The following WDR3 variants were observed in gnomAD, a reference collection of about 807,000 sequenced individuals.
The protein encoded by WDR3 is WD repeat-containing protein 3.
In WDR3, 81 loss-of-function variants were observed where a neutral mutation model predicts 123.7. The observed-to-expected ratio is 0.65, with a 90% CI of 0.55 to 0.79. The LOEUF (loss-of-function observed/expected upper bound fraction) is 0.79. Ranked by LOEUF, WDR3 falls within the 30% of genes least tolerant of loss-of-function variation. WDR3 has a pLI of 0.00. For missense variants in WDR3, 1,027 were observed against 1,123.2 expected (o/e 0.91, Z 1.22); for synonymous variants, 390 against 388.8 (o/e 1.00, Z -0.04).
At position 117,966,042 on chromosome 1, in the gene WDR3, C is replaced by T. The variant is rs2101440850; in HGVS notation, c.*6595C>T. On this transcript the variant is annotated 3_prime_UTR_variant, in exon 27 of 27. Coordinates refer to ENST00000349139, the MANE Select transcript of WDR3 (RefSeq NM_006784.3). The stretch of plus-strand genomic sequence containing the variant: ...ACTGTAACACAAGCAGCACACAATT[C>T]ATGCCACTGGAGAAAGTACAAAATA... The T allele has an allele frequency of 6.6e-6, 1 of 152,336 alleles. No homozygotes were observed. Among genetic ancestry groups the T allele is most frequent in the Middle Eastern group, 3.4e-3 (1 of 294 alleles). 9.4% of individuals were successfully genotyped at this position (152,336 alleles called of 1,614,324 possible).
chr1:117,943,745 A>C (rs1240190100), intron 11 of WDR3, 119 bp downstream of exon 11: 2 of 872,170 alleles, frequency 2.3e-6, no homozygotes, highest in Non-Finnish European at 3.4e-6. Flanking sequence ...TCTTTAGTGC[A>C]TTTGGGCCAT....
At chr1:117,946,683 T>G (rs1651394807) in intron 12 of WDR3, among the ~76,000 whole-genome samples, 1 of 152,086 alleles carries the variant, frequency 6.6e-6, no homozygotes, top group Non-Finnish European at 1.5e-5. Context: ...GGCTCACACC[T>G]GTAATCCCAG....
chr1:117,949,575 G>C lies in WDR3; in HGVS notation c.1525-176G>C, dbSNP rs1215706193. ...GTCGATGGTAGGAATTTTCACATAA[G>C]GTTTGTGGCAGCAGACCCAAAAGAT... On this transcript the variant is annotated intron_variant, in intron 13 of 26. Transcript: ENST00000349139. Among the ~76,000 whole-genome samples, 4 of 152,238 alleles carry C rather than the reference G, an allele frequency of 2.6e-5. No homozygotes were observed. In the East Asian group the frequency reaches 7.7e-4, roughly 29 times the overall value.
In WDR3 at chr1:117,948,982, A is replaced by AT. The variant is rs768936006; in HGVS notation, c.1524+487dup. The stretch of plus-strand genomic sequence containing the variant: ...GTGCTGTTGCTTAGAAAATCTTGAG[A>AT]TTTTTTTTTTTGACAACACCTTAAG... On this transcript the variant is annotated intron_variant, in intron 13 of 26. Transcript: ENST00000349139. Among the ~76,000 whole-genome samples, 1,299 of 148,526 alleles carry AT rather than the reference A, an allele frequency of 8.7e-3. 8 individuals are homozygous for AT. The highest frequency in any genetic ancestry group is 0.033 in the East Asian group (171 of 5,106).
rs574248378 is a variant in WDR3 at position 117,953,486 on chromosome 1, A to C, written c.2213A>C (p.Glu738Ala). Residue 738 changes from glutamate to alanine, a missense_variant, in exon 21 of 27, where the codon GAG becomes GCG. Transcript: ENST00000349139. Reference protein sequence around the residue: ...AKEDQPAVPGETQGDSYFTGK... With the variant: ...AKEDQPAVPGATQGDSYFTGK... ...CTTTGTTTCTGGCAGGTTCCAGGAG[A>C]GACTCAAGGTGACAGTTACTTTACT... 2 of 1,612,806 alleles carry C rather than the reference A, an allele frequency of 1.2e-6. No individual in the cohort carries two copies. The highest frequency in any genetic ancestry group is 1.7e-6 in the Non-Finnish European group (2 of 1,179,142).
chr1:117,963,906 G>T lies in WDR3; in HGVS notation c.*4459G>T. 1 of 1,613,824 alleles carries T rather than the reference G, an allele frequency of 6.2e-7. No individual in the cohort carries two copies. On this transcript the variant is annotated 3_prime_UTR_variant, in exon 27 of 27. Transcript: ENST00000349139. ...TCTTTTCCCTGGGGAAAGTCTTTTG[G>T]TCGTTTATCATAATTGCTGCTTGTT...
rs541417339 is a variant in WDR3 at position 117,949,037 on chromosome 1, C to T, written c.1524+531C>T. Among the ~76,000 whole-genome samples, 3 of 151,946 alleles carry T rather than the reference C, an allele frequency of 2.0e-5. No individual in the cohort carries two copies. The South Asian group carries it at 6.2e-4, about 32-fold the overall frequency. Reference sequence around the variant, plus strand: ...TTTGGCCCATTTATTTAAATATTCTCAATGATAGACAATTTTCATCCGTTG... The same window carrying T: ...TTTGGCCCATTTATTTAAATATTCTTAATGATAGACAATTTTCATCCGTTG... On this transcript the variant is annotated intron_variant, in intron 13 of 26. Coordinates refer to ENST00000349139, the MANE Select transcript of WDR3 (RefSeq NM_006784.3).
rs1158540925 is a variant in WDR3, at chr1:117,950,909, G to A, written c.1803+19G>A. ...CTCTCATGTAAGTAGTTTAAATAGT[G>A]TCTCAGTAATATGTTGTCTTTTTTA... On this transcript the variant is annotated intron_variant, in intron 16 of 26. Transcript: ENST00000349139. 3.8e-6 allele frequency: 6 copies of A among 1,594,708 alleles called. 1 individual carries two copies. The African/African-American group carries it at 8.1e-5, about 22-fold the overall frequency.
Position 117,949,817 on chromosome 1 carries a change from G to A in WDR3, c.1591G>A (p.Glu531Lys). 6.2e-7 allele frequency: 1 copy of A among 1,613,888 alleles called. No individual in the cohort carries two copies. Among genetic ancestry groups the A allele is most frequent in the Non-Finnish European group, 8.5e-7 (1 of 1,179,862 alleles). Residue 531 changes from glutamate (E) to lysine (K), a missense_variant, in exon 14 of 27, where the codon GAA (glutamate) becomes AAA (lysine). By Grantham distance (56) the Glu-to-Lys change is moderately conservative (BLOSUM62 1). Transcript: ENST00000349139. The part of the protein sequence containing the change: ...KFWDFELVKD[E>K]NSTQKRLSVK... ...CTGGGATTTTGAGTTAGTGAAAGAT[G>A]AAAATAGTACCCAAAAGAGGTGAGT...
Position 117,959,322 on chromosome 1 carries a change from G to C in WDR3, c.2707G>C (p.Asp903His). Residue 903 changes from aspartate to histidine, a missense_variant, in exon 27 of 27, where the codon GAT (aspartate) becomes CAT (histidine). Transcript: ENST00000349139. ...DVIGFNMAGLDYLKRECEAKS... is the reference protein window; with the variant it reads ...DVIGFNMAGLHYLKRECEAKS... ...TATCGGCTTCAATATGGCTGGTCTT[G>C]ATTATCTCAAGAGGGAATGCGAGGC... 1 of 1,612,822 alleles carries C rather than the reference G, an allele frequency of 6.2e-7. No individual in the cohort carries two copies. Among genetic ancestry groups the C allele is most frequent in the Non-Finnish European group, 8.5e-7 (1 of 1,179,528 alleles).
In WDR3 at chr1:117,934,693, G is replaced by C. The variant is rs777515362; in HGVS notation, c.381+11G>C. The C allele has an allele frequency of 6.2e-7, 1 of 1,612,312 alleles. No homozygotes were observed. Among genetic ancestry groups the C allele is most frequent in the Non-Finnish European group, 8.5e-7 (1 of 1,179,738 alleles). The stretch of plus-strand genomic sequence containing the variant: ...GCATCTGGGTCCAAGGTGAGCCTTT[G>C]AATCAGCCCAGGCTTTGATCTATTA... On this transcript the variant is annotated intron_variant, in intron 3 of 26. Transcript: ENST00000349139.
intron 24 of WDR3, 132 bp downstream of exon 24, chr1:117,955,490 G>A: frequency 1.3e-6 from 1 of 784,508 alleles, no homozygotes; most frequent in Non-Finnish European, 1.9e-6. Flanking sequence ...AAGTTTTGAT[G>A]GAAAATAATT....
At chr1:117,938,334 C>T (rs1216049810) in intron 4 of WDR3, 146 bp from the exon 5 acceptor site, 1 of 591,236 alleles carries the variant, frequency 1.7e-6, no homozygotes, top group East Asian at 3.2e-5. Flanking sequence ...CTTTGCTTTT[C>T]AAAAGTAAGA....
At position 117,943,503 on chromosome 1, in the gene WDR3, A is replaced by ATGCTT; in HGVS notation, c.1205_1206insTGCTT (p.Gln402HisfsTer53). ...CTGAATCCATCCTTGCCTACTCCTC[A>ATGCTT]GCCTGTCAGGACAAGCAGAATCACT... On this transcript the variant is annotated frameshift_variant, in exon 11 of 27. Transcript: ENST00000349139. LOFTEE classifies it high-confidence loss of function. 2 of 1,614,118 alleles carry ATGCTT rather than the reference A, an allele frequency of 1.2e-6. No homozygotes were observed. Among genetic ancestry groups the ATGCTT allele is most frequent in the Non-Finnish European group, 1.7e-6 (2 of 1,180,022 alleles).
chr1:117,949,965 A>T, intron 14 of WDR3, 30 bp from the exon 15 acceptor site: 1 of 1,613,048 alleles, frequency 6.2e-7, no homozygotes, highest in Non-Finnish European at 8.5e-7. Flanking sequence ...ATACTCATTT[A>T]TTTTTTCTTG....
At chr1:117,951,869 C>A in intron 16 of WDR3, 107 bp from the exon 17 acceptor site, 1 of 1,065,366 alleles carries the variant, frequency 9.4e-7, no homozygotes, top group Non-Finnish European at 1.4e-6. Flanking sequence ...AGTTTTTTGG[C>A]TTCATTTTAA....
At chr1:117,931,148 T>G (rs1650703036) in intron 1 of WDR3, among the ~76,000 whole-genome samples, 1 of 152,186 alleles carries the variant, frequency 6.6e-6, no homozygotes, top group African/African-American at 2.4e-5. Context: ...TTGCCTATGT[T>G]GGTCTGAAAC....
rs1464125989 is a variant in WDR3 at position 117,959,722 on chromosome 1, A to G, written c.*275A>G. ...GCAGCTCAAGCTTGTTGTTCCCTTTATATTCTAGCAGGGAATAAATAATTG... is the reference window on the plus strand; with the variant it reads ...GCAGCTCAAGCTTGTTGTTCCCTTTGTATTCTAGCAGGGAATAAATAATTG... On this transcript the variant is annotated 3_prime_UTR_variant, in exon 27 of 27. Coordinates refer to ENST00000349139, the MANE Select transcript of WDR3 (RefSeq NM_006784.3). 1 of 262,896 alleles carries G rather than the reference A, an allele frequency of 3.8e-6. No homozygotes were observed. The highest frequency in any genetic ancestry group is 2.2e-5 in the African/African-American group (1 of 45,396). The allele number at this position is 262,896 out of a possible 1,614,324, so 16.3% of individuals were successfully genotyped here. A position where few individuals can be genotyped will look rare whatever the true frequency, so the allele number is the denominator to read the frequency against.
chr1:117,953,036 A>G (rs1651699793), intron 20 of WDR3, 40 bp downstream of exon 20: 18 of 1,595,112 alleles, frequency 1.1e-5, no homozygotes, highest in Non-Finnish European at 1.5e-5. Flanking sequence ...TGCCCCATAT[A>G]TAGTTATCTT....
Sources: gnomAD v4.1 joint callset for allele counts (sites outside exome capture counted in the v4.1 genomes callset) on GRCh38, gnomAD v4.1.1 for gene constraint, MANE v1.5 for transcripts, NCBI Gene and HGNC (gene_info 2026-07-23, HGNC 2026-07-21) for gene names.